The following C19orf38 variants were observed in gnomAD, a reference collection of about 807,000 sequenced individuals.
C19orf38 encodes chromosome 19 open reading frame 38.
A neutral mutation model predicts 26.6 loss-of-function variants in C19orf38; 14 were observed. The observed-to-expected ratio is 0.53, with a 90% CI of 0.35 to 0.82. The LOEUF (loss-of-function observed/expected upper bound fraction) is 0.82, where lower values mean the gene tolerates loss of function less well. Ranked by LOEUF, C19orf38 falls within the 40% of genes least tolerant of loss-of-function variation. The pLI is 0.01. For missense variants in C19orf38, 261 were observed against 299.5 expected, an observed-to-expected ratio of 0.87 and a Z score of 0.95; for synonymous variants, 132 against 128.5, an observed-to-expected ratio of 1.03 and a Z score of -0.18.
intron 2 of C19orf38, among the ~76,000 whole-genome samples, chr19:10,852,249 G>A (rs1288972607): frequency 6.6e-6 from 1 of 152,072 alleles, no homozygotes; most frequent in Non-Finnish European, 1.5e-5. Flanking sequence ...ACAGATGTGA[G>A]TCACCATGCC....
intron 6 of C19orf38, 28 bp downstream of exon 6, chr19:10,863,235 T>G: frequency 6.5e-7 from 1 of 1,548,602 alleles, no homozygotes; most frequent in Non-Finnish European, 8.7e-7. Context: ...TTGGAACCGG[T>G]TTTCTGCTGA....
chr19:10,841,237 G>A (rs1043408715), intron 1 of C19orf38, among the ~76,000 whole-genome samples: 13 of 152,098 alleles, frequency 8.5e-5, no homozygotes, highest in Non-Finnish European at 1.8e-4. Context: ...GAAGGCTGAA[G>A]CCAGAGGATC....
upstream of C19orf38, among the ~76,000 whole-genome samples, chr19:10,843,833 T>C (rs1384153467): frequency 6.6e-6 from 1 of 152,200 alleles, no homozygotes; most frequent in South Asian, 2.1e-4. Flanking sequence ...TAAGATATCA[T>C]GAAGGCTGGG....
chr19:10,861,172 A>G (rs2073694263), intron 5 of C19orf38, among the ~76,000 whole-genome samples: 2 of 152,038 alleles, frequency 1.3e-5, no homozygotes, highest in Non-Finnish European at 2.9e-5. Flanking sequence ...AAAATGAAAC[A>G]ATTAAGTGAT....
chr19:10,857,366 A>ATATATATATATATATATT (rs1433358051), intron 3 of C19orf38, among the ~76,000 whole-genome samples: 17 of 56,082 alleles, frequency 3.0e-4, no homozygotes, highest in Non-Finnish European at 3.7e-4. Flanking sequence ...ATATATATAT[A>ATATATATATATATATATT]TTTTTTTTTT....
At chr19:10,843,987 C>T (rs2073496931), upstream of C19orf38, among the ~76,000 whole-genome samples, 1 of 151,978 alleles carries the variant, frequency 6.6e-6, no homozygotes, top group South Asian at 2.1e-4. Context: ...GTGGTGCATG[C>T]CTGTAATCCC....
intron 6 of C19orf38, among the ~76,000 whole-genome samples, chr19:10,864,974 G>C (rs1162919931): frequency 6.6e-6 from 1 of 152,116 alleles, no homozygotes; most frequent in Non-Finnish European, 1.5e-5. Context: ...AGGAAGGAAG[G>C]GGGCTTGGCA....
chr19:10,857,358 ATATATATATTT>A (rs1178139282), intron 3 of C19orf38, among the ~76,000 whole-genome samples: 2 of 82,484 alleles, frequency 2.4e-5, no homozygotes, highest in Admixed American at 1.1e-4. Flanking sequence ...ATATATATAT[ATATATATATTT>A]TTTTTTTTTT....
At chr19:10,852,353 G>A (rs573035043) in intron 2 of C19orf38, among the ~76,000 whole-genome samples, 40 of 152,214 alleles carry the variant, frequency 2.6e-4, no homozygotes, top group East Asian at 9.8e-4. Context: ...CATTCCAGGC[G>A]GATGAGGACA....
At chr19:10,839,014 A>G (rs1208362211) in intron 1 of C19orf38, among the ~76,000 whole-genome samples, 1 of 151,540 alleles carries the variant, frequency 6.6e-6, no homozygotes, top group Non-Finnish European at 1.5e-5. Flanking sequence ...TCCCAGGTTC[A>G]AGGGATTCTC....
At chr19:10,858,226 TAAAAAAAAAAAAAA>T (rs371026775) in intron 3 of C19orf38, 76 bp from the exon 4 acceptor site, 6 of 320,732 alleles carry the variant, frequency 1.9e-5, no homozygotes, top group African/African-American at 6.2e-5. Context: ...AGACTCTGTC[TAAAAAAAAAAAAAA>T]AAAAAAAAAA....
intron 5 of C19orf38, 37 bp downstream of exon 5, chr19:10,859,995 G>A: frequency 6.5e-7 from 1 of 1,532,248 alleles, no homozygotes; most frequent in Non-Finnish European, 8.9e-7. Context: ...AGTGGGGAAA[G>A]GATTACACCT....
chr19:10,856,037 A>G (rs1208662206), intron 2 of C19orf38, among the ~76,000 whole-genome samples: 2 of 152,170 alleles, frequency 1.3e-5, no homozygotes, highest in East Asian at 3.8e-4. Flanking sequence ...AAAGTCCCAG[A>G]GTTAGCTCTC....
intron 2 of C19orf38, among the ~76,000 whole-genome samples, chr19:10,856,048 A>T (rs2073622076): frequency 6.6e-6 from 1 of 152,184 alleles, no homozygotes; most frequent in Non-Finnish European, 1.5e-5. Context: ...GTTAGCTCTC[A>T]TTGGCTCCAC....
intron 6 of C19orf38, among the ~76,000 whole-genome samples, chr19:10,868,058 C>T (rs1442784155): frequency 1.3e-5 from 2 of 152,100 alleles, no homozygotes; most frequent in African/African-American, 4.8e-5. Context: ...CACCTTTTGG[C>T]TGTTGTGCAG....
At chr19:10,848,726 C>T (rs895321389) in intron 1 of C19orf38, among the ~76,000 whole-genome samples, 187 bp downstream of exon 1, 3 of 152,126 alleles carry the variant, frequency 2.0e-5, no homozygotes, top group African/African-American at 7.2e-5. Flanking sequence ...GTTTTTTCTT[C>T]TTAGGCTCCT....
chr19:10,866,420 A>G (rs2146279835), intron 6 of C19orf38, among the ~76,000 whole-genome samples: 1 of 133,442 alleles, frequency 7.5e-6, no homozygotes, highest in African/African-American at 2.9e-5. Context: ...TTGTCAGGCT[A>G]GTCTCGAACT....
chr19:10,842,742 A>G (rs962977676), intron 1 of C19orf38, among the ~76,000 whole-genome samples: 1 of 152,128 alleles, frequency 6.6e-6, no homozygotes. Flanking sequence ...GTCTCAAAAA[A>G]AAAAACCAGA....
intron 2 of C19orf38, among the ~76,000 whole-genome samples, chr19:10,853,856 A>G (rs1237163539): frequency 6.7e-6 from 1 of 150,366 alleles, no homozygotes; most frequent in Non-Finnish European, 1.5e-5. Context: ...TCAGCCTCCC[A>G]AAGTGCTGAG....
Sources: gnomAD v4.1 joint callset for allele counts (sites outside exome capture counted in the v4.1 genomes callset) on GRCh38, gnomAD v4.1.1 for gene constraint, MANE v1.5 for transcripts, NCBI Gene and HGNC (gene_info 2026-07-23, HGNC 2026-07-21) for gene names.